Variants in KSR2 observed in about 807,000 individuals in gnomAD.
KSR2 encodes kinase suppressor of ras 2.
Under a neutral mutation model 107.8 loss-of-function variants are expected in KSR2, and 25 were observed. The observed-to-expected ratio is 0.23, with a 90% CI of 0.17 to 0.32. KSR2 has a LOEUF of 0.32. Ranked by LOEUF, KSR2 falls within the 10% of genes least tolerant of loss-of-function variation. The pLI, the probability that KSR2 is intolerant of heterozygous loss-of-function variation, is 1.00. For missense variants in KSR2, 887 were observed against 1,268.9 expected (o/e 0.70, Z 4.57); for synonymous variants, 480 against 507.0 (o/e 0.95, Z 0.71).
At chr12:117,496,073 G>C (rs1873012848) in intron 14 of KSR2, among the ~76,000 whole-genome samples, 1 of 142,398 alleles carries the variant, frequency 7.0e-6, no homozygotes, top group African/African-American at 2.6e-5. Flanking sequence ...AAAAAAAAAA[G>C]AGGTCAGAGT....
In KSR2 at chr12:117,558,457, G is replaced by C. The variant is rs1469096079; in HGVS notation, c.1393+49C>G. On this transcript the variant is annotated intron_variant, in intron 8 of 19. Transcript: ENST00000339824. Reference sequence around the variant, plus strand: ...GGACAGCTATGTGGGGGACCTGCAGGAGCCCCACCTCACCCCTGCCCCTAG... The same window carrying C: ...GGACAGCTATGTGGGGGACCTGCAGCAGCCCCACCTCACCCCTGCCCCTAG... 8.0e-6 allele frequency: 12 copies of C among 1,494,066 alleles called. No homozygotes were observed. The Admixed American group carries it at 2.0e-4, about 25-fold the overall frequency. 92.6% of individuals were successfully genotyped at this position (1,494,066 alleles called of 1,614,324 possible).
At chr12:117,753,966 G>GTGTA (rs1888699188) in intron 4 of KSR2, among the ~76,000 whole-genome samples, 1 of 126,114 alleles carries the variant, frequency 7.9e-6, no homozygotes, top group Admixed American at 7.9e-5. Context: ...GTGTGTGTGT[G>GTGTA]TGTGTGTGTG....
Position 117,761,453 on chromosome 12 carries a change from C to T in KSR2, c.544G>A (p.Val182Met). 1.2e-6 allele frequency: 2 copies of T among 1,612,704 alleles called. No individual in the cohort carries two copies. Among genetic ancestry groups the T allele is most frequent in the Non-Finnish European group, 1.7e-6 (2 of 1,179,534 alleles). Residue 182 changes from valine (V) to methionine (M), a missense_variant, in exon 4 of 20, where the codon GTG (valine) becomes ATG (methionine). By Grantham distance (21) the Val-to-Met change is conservative. Around this residue, in one of 8 missense-constraint regions of KSR2, gnomAD observed 399 missense variants for 479.5 expected, o/e 0.83. Transcript: ENST00000339824. The stretch of plus-strand genomic sequence containing the variant: ...CACGGGGTGGGCTCCGGGGGGCACA[C>T]GGGATTGTTCTCCTTCCCCGTCTCT... Reference protein sequence around the residue: ...TTETGKENNPVCPPEPTPWIR... With the variant: ...TTETGKENNPMCPPEPTPWIR...
chr12:117,575,791 T>C (rs1265603562), intron 7 of KSR2, among the ~76,000 whole-genome samples: 1 of 152,218 alleles, frequency 6.6e-6, no homozygotes, highest in African/African-American at 2.4e-5. Context: ...CAAGACGGAA[T>C]AGGGAAGAAT....
At chr12:117,594,234 A>G (rs1880504871) in intron 5 of KSR2, among the ~76,000 whole-genome samples, 2 of 152,108 alleles carry the variant, frequency 1.3e-5, no homozygotes, top group South Asian at 4.1e-4. Flanking sequence ...ATTCTGTGGA[A>G]TTTACTGCCT....
intron 14 of KSR2, among the ~76,000 whole-genome samples, chr12:117,515,590 A>T (rs1874318683): frequency 6.6e-6 from 1 of 152,168 alleles, no homozygotes; most frequent in Admixed American, 6.5e-5. Flanking sequence ...AACATAGAAG[A>T]ACAAAATAAT....
At chr12:117,563,258 C>T (rs1001206996) in intron 7 of KSR2, among the ~76,000 whole-genome samples, 22 of 152,164 alleles carry the variant, frequency 1.4e-4, no homozygotes, top group Admixed American at 5.2e-4. Flanking sequence ...TAAGCAAGCA[C>T]ACGTGAAACT....
chr12:117,891,712 C>A (rs973325704), intron 1 of KSR2, among the ~76,000 whole-genome samples: 1 of 151,564 alleles, frequency 6.6e-6, no homozygotes, highest in Non-Finnish European at 1.5e-5. Context: ...TTAGGCTGGG[C>A]GTGGTGGCTC....
intron 4 of KSR2, among the ~76,000 whole-genome samples, chr12:117,732,985 C>T (rs1185071433): frequency 6.6e-6 from 1 of 152,182 alleles, no homozygotes; most frequent in Non-Finnish European, 1.5e-5. Context: ...TTGACTTCTG[C>T]TCAGCTGTGT....
chr12:117,776,784 G>T (rs1162856832), intron 3 of KSR2, among the ~76,000 whole-genome samples: 1 of 151,826 alleles, frequency 6.6e-6, no homozygotes, highest in Non-Finnish European at 1.5e-5. Flanking sequence ...CCTTGGGGAG[G>T]CTTCCCCACC....
chr12:117,861,774 T>A (rs985513280), intron 1 of KSR2, among the ~76,000 whole-genome samples: 5 of 152,144 alleles, frequency 3.3e-5, no homozygotes, highest in African/African-American at 1.2e-4. Flanking sequence ...TTTTGTGCTG[T>A]TTGAACTGTA....
At chr12:117,946,938 A>G (rs1349903340) in intron 1 of KSR2, among the ~76,000 whole-genome samples, 2 of 151,832 alleles carry the variant, frequency 1.3e-5, no homozygotes, top group African/African-American at 2.4e-5. Context: ...GCCGAGGCAG[A>G]CGGATTACTT....
At chr12:117,830,035 A>T (rs1891901506) in intron 3 of KSR2, among the ~76,000 whole-genome samples, 1 of 152,196 alleles carries the variant, frequency 6.6e-6, no homozygotes, top group African/African-American at 2.4e-5. Flanking sequence ...TGGGAGGCCA[A>T]GATGGGTGGA....
intron 1 of KSR2, among the ~76,000 whole-genome samples, chr12:117,882,666 C>T (rs1028378213): frequency 6.6e-6 from 1 of 151,582 alleles, no homozygotes; most frequent in African/African-American, 2.4e-5. Flanking sequence ...TTTATTCATC[C>T]AACCATCCAA....
At position 117,907,776 on chromosome 12, in the gene KSR2, GT is replaced by G. The variant is rs979919170; in HGVS notation, c.181-47346del. Among the ~76,000 whole-genome samples the G allele has an allele frequency of 3.2e-4, 48 of 149,404 alleles. No individual in the cohort carries two copies. The highest frequency in any genetic ancestry group is 8.6e-4 in the African/African-American group (35 of 40,794). Reference sequence around the variant, plus strand: ...ATTGTAACCACGTCAATTTTTTTAGGTTTTTTTTTTCTTTTTTCTTCCTATA... The same window carrying G: ...ATTGTAACCACGTCAATTTTTTTAGGTTTTTTTTTCTTTTTTCTTCCTATA... On this transcript the variant is annotated intron_variant, in intron 1 of 19. Transcript: ENST00000339824. This position sits in a 1 kb window ranked among gnomAD's most constrained non-coding sequence, Gnocchi z 4.3.
In KSR2 at chr12:117,715,964, C is replaced by T. The variant is rs1249892885; in HGVS notation, c.986+45047G>A. ...GCACATGTCTTCTCTCTCCCTGGAA[C>T]ATGCTCCTCTATCCCCCCGACACCT... On this transcript the variant is annotated intron_variant, in intron 4 of 19. Coordinates refer to ENST00000339824, the MANE Select transcript of KSR2 (RefSeq NM_173598.6). Among the ~76,000 whole-genome samples, 9 of 152,180 alleles carry T rather than the reference C, an allele frequency of 5.9e-5. No homozygotes were observed. In the East Asian group the frequency reaches 1.7e-3, roughly 29 times the overall value.
chr12:117,633,092 C>A (rs1259348829), intron 5 of KSR2, among the ~76,000 whole-genome samples: 1 of 152,184 alleles, frequency 6.6e-6, no homozygotes, highest in Non-Finnish European at 1.5e-5. Context: ...GGAGCATACC[C>A]CTTTTGCATG....
chr12:117,720,137 AT>A (rs577581833), intron 4 of KSR2, among the ~76,000 whole-genome samples: 58 of 152,260 alleles, frequency 3.8e-4, no homozygotes, highest in African/African-American at 1.3e-3. Flanking sequence ...GCAGAGTCAA[AT>A]TTCTATAGAT....
intron 7 of KSR2, among the ~76,000 whole-genome samples, chr12:117,567,490 G>A (rs969587230): frequency 1.3e-5 from 2 of 151,966 alleles, no homozygotes; most frequent in Non-Finnish European, 2.9e-5. Context: ...AGCTAATGAA[G>A]GATTTTAAAC....
Sources: allele counts gnomAD v4.1 joint callset (sites outside exome capture counted in the v4.1 genomes callset), GRCh38; gene constraint gnomAD v4.1.1; regional missense constraint gnomAD v4.1.1; non-coding constraint Gnocchi (gnomAD v3.1); transcripts MANE v1.5; gene names NCBI Gene and HGNC (gene_info 2026-07-23, HGNC 2026-07-21).